NAV3: variants seen among roughly 807,000 people sequenced by gnomAD.
NAV3 encodes the protein neuron navigator 3.
In NAV3, 87 loss-of-function variants were observed where a neutral mutation model predicts 244.7. That is an observed-to-expected ratio of 0.36 (90% confidence interval 0.30 to 0.42). The LOEUF is 0.42. NAV3 is among the 20% of genes least tolerant of loss of function. The pLI, the probability that NAV3 is intolerant of heterozygous loss-of-function variation, is 1.00. For synonymous variants in NAV3, 1,126 were observed against 1,042.2 expected (o/e 1.08, Z -1.55); for missense variants, 2,663 against 2,893.3 (o/e 0.92, Z 1.83).
intron 36 of NAV3, 49 bp from the exon 37 acceptor site, chr12:78,199,286 T>C (rs1447001865): frequency 7.9e-7 from 1 of 1,265,182 alleles, no homozygotes; most frequent in African/African-American, 1.5e-5. Flanking sequence ...TCACTGTGAA[T>C]GTAAAATTTA....
At chr12:77,997,423 A>G (rs1017235331) in intron 6 of NAV3, among the ~76,000 whole-genome samples, 31 of 152,182 alleles carry the variant, frequency 2.0e-4, no homozygotes, top group Non-Finnish European at 4.4e-4. Flanking sequence ...AAATTGTTTA[A>G]GAGTGAAATG....
chr12:77,891,772 T>A (rs1883970126), intron 1 of NAV3, among the ~76,000 whole-genome samples: 1 of 152,128 alleles, frequency 6.6e-6, no homozygotes, highest in African/African-American at 2.4e-5. Flanking sequence ...TGCTTTCCAG[T>A]GTAATGCTTT....
chr12:78,201,905 T>A (rs1454861675), intron 38 of NAV3, among the ~76,000 whole-genome samples: 1 of 151,966 alleles, frequency 6.6e-6, no homozygotes, highest in Non-Finnish European at 1.5e-5. Flanking sequence ...TGTCAGGCTC[T>A]CTTTATCTAT....
chr12:77,998,346 G>T lies in NAV3; in HGVS notation c.750G>T (p.Gly250=). The change falls in exon 7 of 40, where the codon GGG becomes GGT. Residue 250 remains glycine (G), a synonymous_variant. Coordinates refer to ENST00000397909, the MANE Select transcript of NAV3 (RefSeq NM_001024383.2). Reference sequence around the variant, plus strand: ...TCTTATACTATTTCAGGCTTCCAGGGCCCTCTAGGGTGCCTGCTGCAGGAA... The same window carrying T: ...TCTTATACTATTTCAGGCTTCCAGGTCCCTCTAGGGTGCCTGCTGCAGGAA... The part of the protein sequence containing the change: ...TSQKKPTRLP[G]PSRVPAAGSS... 1 of 1,569,316 alleles carries T rather than the reference G, an allele frequency of 6.4e-7. No homozygotes were observed. Among genetic ancestry groups the T allele is most frequent in the Non-Finnish European group, 8.6e-7 (1 of 1,162,204 alleles).
chr12:78,171,956 A>C (rs118173993), intron 24 of NAV3, among the ~76,000 whole-genome samples: 1,796 of 151,718 alleles, frequency 0.012, 16 homozygotes, highest in Non-Finnish European at 0.019. Flanking sequence ...ATAAATGACT[A>C]TAGTCTATAA....
At chr12:77,700,406 T>C (rs1292769175) in intron 2 of NAV3, among the ~76,000 whole-genome samples, 1 of 152,134 alleles carries the variant, frequency 6.6e-6, no homozygotes, top group East Asian at 1.9e-4. Context: ...TAAATTAAAA[T>C]TAAAGTTGTG....
intron 9 of NAV3, chr12:78,037,345 T>C: frequency 1.4e-6 from 1 of 702,924 alleles, no homozygotes; most frequent in Middle Eastern, 2.3e-4. Context: ...ATCCTTACCA[T>C]GCTGGGTGAT....
chr12:77,913,064 C>T lies in NAV3; in HGVS notation c.244-27255C>T, dbSNP rs1460663633. On this transcript the variant is annotated intron_variant, in intron 1 of 39. Coordinates refer to ENST00000397909, the MANE Select transcript of NAV3 (RefSeq NM_001024383.2). ...GTTTTGTTTGAGTAGCTTCCAAAGT[C>T]AACTTGTGACATGAAAAAAATGCAT... Among the ~76,000 whole-genome samples, 4 of 151,880 alleles carry T rather than the reference C, an allele frequency of 2.6e-5. No homozygotes were observed. In the East Asian group the frequency reaches 7.7e-4, roughly 29 times the overall value.
At chr12:78,045,132 G>A (rs1438198964) in intron 9 of NAV3, among the ~76,000 whole-genome samples, 1 of 152,206 alleles carries the variant, frequency 6.6e-6, no homozygotes, top group Admixed American at 6.5e-5. Flanking sequence ...AGAGTTCTTA[G>A]CATGAAGGGG....
chr12:77,615,849 T>C (rs146381741), intron 2 of NAV3, among the ~76,000 whole-genome samples: 2 of 152,316 alleles, frequency 1.3e-5, no homozygotes, highest in Non-Finnish European at 2.9e-5. Flanking sequence ...TCCCTCTCTC[T>C]GCTGCTGTGG....
Position 78,121,996 on chromosome 12 carries a change from T to C in NAV3, c.3806T>C (p.Val1269Ala), listed in dbSNP as rs2138681088. 6.2e-7 allele frequency: 1 copy of C among 1,614,192 alleles called. No individual in the cohort carries two copies. Among genetic ancestry groups the C allele is most frequent in the Non-Finnish European group, 8.5e-7 (1 of 1,180,024 alleles). ...KSASAPNTEG[V>A]KSSSVMPSPS... ...GCCTCTGCACCTAATACTGAGGGTG[T>C]GAAATCTTCCTCAGTAATGCCCAGC... is the stretch of plus-strand genomic sequence containing the variant. The change falls in exon 16 of 40, where the codon GTG becomes GCG. Residue 1269 changes from valine (V) to alanine (A), a missense_variant. Transcript: ENST00000397909.
rs772497880 is a variant in NAV3, at chr12:78,116,863, T to C, written c.2728T>C (p.Ser910Pro). 2.5e-6 allele frequency: 4 copies of C among 1,613,524 alleles called. No individual in the cohort carries two copies. Reference sequence around the variant, plus strand: ...CCTGAACACCACATCCTCTGTCAGCTCTTACTCCAACATCACCGTCCCCTC... The same window carrying C: ...CCTGAACACCACATCCTCTGTCAGCCCTTACTCCAACATCACCGTCCCCTC... ...DDLNTTSSVSSYSNITVPSRK... is the reference protein window; with the variant it reads ...DDLNTTSSVSPYSNITVPSRK... The change falls in exon 13 of 40, where the codon TCT becomes CCT. Residue 910 changes from serine (S) to proline (P), a missense_variant. Around this residue, in one of 6 missense-constraint regions of NAV3, gnomAD observed 1,521 missense variants for 1,497.0 expected, o/e 1.02. Coordinates refer to ENST00000397909, the MANE Select transcript of NAV3 (RefSeq NM_001024383.2).
chr12:78,118,961 T>C (rs2694682), intron 14 of NAV3, among the ~76,000 whole-genome samples: 95,138 of 152,016 alleles, frequency 0.63, 29,929 homozygotes, highest in Non-Finnish European at 0.65. Flanking sequence ...TTAAGTGTTA[T>C]CTTTTTAAAA....
At chr12:77,584,109 G>T (rs1470520500) in intron 2 of NAV3, among the ~76,000 whole-genome samples, 2 of 152,168 alleles carry the variant, frequency 1.3e-5, no homozygotes, top group African/African-American at 4.8e-5. Context: ...ATAGCACACT[G>T]TTGTCTGCCT....
At chr12:77,942,518 C>T (rs1889974383) in intron 3 of NAV3, among the ~76,000 whole-genome samples, 1 of 152,080 alleles carries the variant, frequency 6.6e-6, no homozygotes, top group Non-Finnish European at 1.5e-5. Context: ...GATTTCTATA[C>T]AATCCTTCAG....
chr12:77,759,535 T>G (rs1489306694), intron 2 of NAV3, among the ~76,000 whole-genome samples: 1 of 152,246 alleles, frequency 6.6e-6, no homozygotes, highest in Non-Finnish European at 1.5e-5. Context: ...CTTTAAATAT[T>G]GTCCTCCGAT....
chr12:77,636,828 C>T (rs1323599591), intron 2 of NAV3, among the ~76,000 whole-genome samples: 1 of 152,102 alleles, frequency 6.6e-6, no homozygotes, highest in Non-Finnish European at 1.5e-5. Context: ...GAATGAGTTG[C>T]TGTCCTTTGC....
intron 2 of NAV3, among the ~76,000 whole-genome samples, chr12:77,676,316 C>T (rs904238671): frequency 1.3e-5 from 2 of 152,026 alleles, no homozygotes; most frequent in Non-Finnish European, 2.9e-5. Context: ...AAGGAGTGCT[C>T]CACCTTGATA....
chr12:77,577,126 G>A (rs969009096), intron 2 of NAV3, among the ~76,000 whole-genome samples: 2 of 152,040 alleles, frequency 1.3e-5, no homozygotes, highest in Admixed American at 1.3e-4. Context: ...TGAACATCAA[G>A]TTCCCAAAGA....
Sources: allele counts gnomAD v4.1 joint callset (sites outside exome capture counted in the v4.1 genomes callset), GRCh38; gene constraint gnomAD v4.1.1; regional missense constraint gnomAD v4.1.1; transcripts MANE v1.5; gene names NCBI Gene and HGNC (gene_info 2026-07-23, HGNC 2026-07-21).